Variants in CADPS observed in about 807,000 individuals in gnomAD.
The protein encoded by CADPS is calcium dependent secretion activator.
CADPS carries 57 observed loss-of-function variants against 167.3 expected under a neutral mutation model. The observed-to-expected ratio is 0.34, with a 90% CI of 0.28 to 0.42. The LOEUF (loss-of-function observed/expected upper bound fraction) is 0.42. Among genes scored for constraint, CADPS ranks in the 20% least tolerant of loss-of-function variants. CADPS has a pLI of 1.00. For synonymous variants in CADPS, 676 were observed against 635.3 expected, an observed-to-expected ratio of 1.06 and a Z score of -0.96; for missense variants, 1,414 against 1,738.1, an observed-to-expected ratio of 0.81 and a Z score of 3.32.
chr3:62,619,563 T>C (rs975270954), intron 6 of CADPS, among the ~76,000 whole-genome samples: 2 of 152,154 alleles, frequency 1.3e-5, no homozygotes, highest in African/African-American at 4.8e-5. Flanking sequence ...ATGTTTCTAA[T>C]GTGAGACTTT....
chr3:62,828,556 T>C (rs768398061), intron 1 of CADPS, among the ~76,000 whole-genome samples: 15 of 152,154 alleles, frequency 9.9e-5, no homozygotes, highest in Non-Finnish European at 2.1e-4. Context: ...GAGCCTTGTA[T>C]AACACAAGGG....
intron 3 of CADPS, among the ~76,000 whole-genome samples, chr3:62,746,822 CA>C (rs2081561390): frequency 6.6e-6 from 1 of 152,170 alleles, no homozygotes; most frequent in South Asian, 2.1e-4. Context: ...GCCTCGCCAG[CA>C]CCTTAATTCC....
At chr3:62,587,796 C>A (rs903249728) in intron 7 of CADPS, among the ~76,000 whole-genome samples, 2 of 152,192 alleles carry the variant, frequency 1.3e-5, no homozygotes, top group East Asian at 3.9e-4. Flanking sequence ...GGGGAGCCCT[C>A]TTTTCCAGGG....
intron 6 of CADPS, among the ~76,000 whole-genome samples, chr3:62,616,529 G>A (rs945690930): frequency 6.6e-6 from 1 of 152,150 alleles, no homozygotes; most frequent in African/African-American, 2.4e-5. Flanking sequence ...ACCATGTGGA[G>A]TTAAATTGTA....
Position 62,458,364 on chromosome 3 carries a change from C to T in CADPS, c.3636+7003G>A, listed in dbSNP as rs2058945727. ...CACAGTCACACCTTTATCTTAATCACTCTCTAACTTTCTGGCGATAAACTT... is the reference window on the plus strand; with the variant it reads ...CACAGTCACACCTTTATCTTAATCATTCTCTAACTTTCTGGCGATAAACTT... On this transcript the variant is annotated intron_variant, in intron 26 of 29. Coordinates refer to ENST00000383710, the MANE Select transcript of CADPS (RefSeq NM_003716.4). This position sits in a 1 kb window ranked among gnomAD's most constrained non-coding sequence, Gnocchi z 4.6. Among the ~76,000 whole-genome samples the T allele has an allele frequency of 6.6e-6, 1 of 152,212 alleles. No individual in the cohort carries two copies. The highest frequency in any genetic ancestry group is 1.5e-5 in the Non-Finnish European group (1 of 68,044).
chr3:62,665,495 A>G (rs2074243344), intron 3 of CADPS, among the ~76,000 whole-genome samples: 1 of 152,174 alleles, frequency 6.6e-6, no homozygotes, highest in African/African-American at 2.4e-5. Flanking sequence ...CTCTGCCTCA[A>G]ACTGGAACTC....
intron 24 of CADPS, among the ~76,000 whole-genome samples, chr3:62,472,209 G>A (rs572650722): frequency 7.2e-5 from 11 of 152,058 alleles, no homozygotes; most frequent in African/African-American, 2.7e-4. Context: ...AGAAGGGAGG[G>A]GTGTGAGAAT....
chr3:62,555,582 T>C (rs868698299), intron 10 of CADPS, among the ~76,000 whole-genome samples: 1 of 152,220 alleles, frequency 6.6e-6, no homozygotes, highest in African/African-American at 2.4e-5. Flanking sequence ...ATCCTGGTCT[T>C]ATCCACTTTG....
intron 1 of CADPS, among the ~76,000 whole-genome samples, chr3:62,845,636 G>A (rs1024207277): frequency 6.6e-6 from 1 of 152,122 alleles, no homozygotes; most frequent in African/African-American, 2.4e-5. Flanking sequence ...GTTTTGGCAT[G>A]TGATTTGTTG....
At chr3:62,780,761 T>G (rs1476886997) in intron 1 of CADPS, among the ~76,000 whole-genome samples, 2 of 152,244 alleles carry the variant, frequency 1.3e-5, no homozygotes, top group African/African-American at 4.8e-5. Context: ...TGGCTGCCTA[T>G]AAAAATCTCT....
At chr3:62,861,228 T>C (rs569234858) in intron 1 of CADPS, among the ~76,000 whole-genome samples, 1 of 152,352 alleles carries the variant, frequency 6.6e-6, no homozygotes, top group Non-Finnish European at 1.5e-5. Flanking sequence ...AGTGTCATTA[T>C]GTGGTTCACA....
intron 13 of CADPS, among the ~76,000 whole-genome samples, chr3:62,526,459 C>T (rs1211760992): frequency 6.6e-6 from 1 of 152,046 alleles, no homozygotes; most frequent in Admixed American, 6.6e-5. Context: ...TTTCCAATCC[C>T]AATAATAAAG....
At chr3:62,828,420 G>C (rs920667683) in intron 1 of CADPS, among the ~76,000 whole-genome samples, 2 of 152,066 alleles carry the variant, frequency 1.3e-5, no homozygotes, top group African/African-American at 4.8e-5. Context: ...CAAAAACGTG[G>C]AACTACTGAC....
chr3:62,744,122 A>C (rs1339641333), intron 3 of CADPS, among the ~76,000 whole-genome samples: 1 of 152,160 alleles, frequency 6.6e-6, no homozygotes, highest in Admixed American at 6.5e-5. Context: ...ATGTAGGTAC[A>C]AATGTCTGCT....
intron 1 of CADPS, among the ~76,000 whole-genome samples, chr3:62,802,324 G>C (rs896382864): frequency 6.6e-6 from 1 of 152,122 alleles, no homozygotes; most frequent in Non-Finnish European, 1.5e-5. Flanking sequence ...AAACCAGCTT[G>C]TCTGCTGGCT....
intron 8 of CADPS, among the ~76,000 whole-genome samples, chr3:62,584,035 C>G (rs2084039496): frequency 6.9e-6 from 1 of 144,408 alleles, no homozygotes; most frequent in Non-Finnish European, 1.5e-5. Flanking sequence ...GATGGAGTCT[C>G]ATTCTGTTGC....
At chr3:62,461,085 A>G (rs998312043) in intron 26 of CADPS, among the ~76,000 whole-genome samples, 3 of 152,190 alleles carry the variant, frequency 2.0e-5, no homozygotes, top group African/African-American at 7.2e-5. Flanking sequence ...TAGTGAAGGA[A>G]GAATTCACGT....
chr3:62,517,123 T>C (rs964530292), intron 14 of CADPS, among the ~76,000 whole-genome samples: 28 of 152,150 alleles, frequency 1.8e-4, no homozygotes, highest in African/African-American at 6.3e-4. Context: ...TTTCCTATTG[T>C]TATGGACCGT....
intron 6 of CADPS, among the ~76,000 whole-genome samples, chr3:62,612,856 T>C (rs1024307157): frequency 6.6e-6 from 1 of 152,168 alleles, no homozygotes; most frequent in African/African-American, 2.4e-5. Flanking sequence ...CTCCAATCCA[T>C]AGTGAGCACC....
Sources: gnomAD v4.1 joint callset for allele counts (sites outside exome capture counted in the v4.1 genomes callset) on GRCh38, gnomAD v4.1.1 for gene constraint, Gnocchi (gnomAD v3.1) non-coding constraint, MANE v1.5 for transcripts, NCBI Gene and HGNC (gene_info 2026-07-23, HGNC 2026-07-21) for gene names.